ADAMTS20: variants seen among roughly 807,000 people sequenced by gnomAD.
The protein encoded by ADAMTS20 is A disintegrin and metalloproteinase with thrombospondin motifs 20.
Under a neutral mutation model 260.1 loss-of-function variants are expected in ADAMTS20, and 225 were observed. The observed-to-expected ratio is 0.87, with a 90% confidence interval of 0.78 to 0.97. ADAMTS20 has a LOEUF of 0.97. Among genes scored for constraint, ADAMTS20 ranks in the 50% least tolerant of loss-of-function variants. The probability of loss-of-function intolerance (pLI) is 0.00; values close to 1 mark genes in which losing one functional copy is unlikely to be tolerated. For missense variants in ADAMTS20, 2,400 were observed against 2,337.7 expected, an observed-to-expected ratio of 1.03 and a Z score of -0.55; for synonymous variants, 802 against 769.5, an observed-to-expected ratio of 1.04 and a Z score of -0.70.
intron 29 of ADAMTS20, among the ~76,000 whole-genome samples, chr12:43,385,919 G>A (rs758181682): frequency 3.3e-5 from 5 of 152,010 alleles, no homozygotes; most frequent in South Asian, 4.2e-4. Flanking sequence ...TCATTTCTTC[G>A]AGATTTTCTA....
intron 36 of ADAMTS20, among the ~76,000 whole-genome samples, chr12:43,373,589 C>A (rs2137206393): frequency 6.6e-6 from 1 of 151,464 alleles, no homozygotes; most frequent in Non-Finnish European, 1.5e-5. Context: ...TGCCCTGGGC[C>A]ACATGAGGGC....
At chr12:43,421,898 T>C (rs915087489) in intron 28 of ADAMTS20, among the ~76,000 whole-genome samples, 2 of 151,892 alleles carry the variant, frequency 1.3e-5, no homozygotes, top group Non-Finnish European at 2.9e-5. Context: ...AAATTAACAG[T>C]TTGTTATTTA....
intron 2 of ADAMTS20, among the ~76,000 whole-genome samples, chr12:43,544,519 C>A (rs1351342794): frequency 6.6e-6 from 1 of 151,962 alleles, no homozygotes; most frequent in African/African-American, 2.4e-5. Context: ...TGAGAGTACA[C>A]GTGCATAAAA....
intron 37 of ADAMTS20, among the ~76,000 whole-genome samples, chr12:43,360,718 T>C (rs1313839430): frequency 1.3e-5 from 2 of 151,788 alleles, no homozygotes; most frequent in Admixed American, 1.3e-4. Context: ...ATAGGAAAAA[T>C]CAACATACCA....
chr12:43,371,727 T>C (rs1940111935), intron 36 of ADAMTS20, among the ~76,000 whole-genome samples: 1 of 152,086 alleles, frequency 6.6e-6, no homozygotes, highest in Non-Finnish European at 1.5e-5. Flanking sequence ...GGCCACTGTG[T>C]CTGTAGTAGG....
rs756887923 is a variant in ADAMTS20 at position 43,432,349 on chromosome 12, G to A, written c.3051C>T (p.Cys1017=). 6.2e-7 allele frequency: 1 copy of A among 1,613,824 alleles called. No homozygotes were observed. Among genetic ancestry groups the A allele is most frequent in the African/African-American group, 1.3e-5 (1 of 75,000 alleles). ...CCCAACTGGGACAGGAAAATTCATTGCAATTCTCTCTCGTCACTCGGGACA... is the reference window on the plus strand; with the variant it reads ...CCCAACTGGGACAGGAAAATTCATTACAATTCTCTCTCGTCACTCGGGACA... The part of the protein sequence containing the change: ...QELSRVTREN[C]NEFSCPSWAA... Residue 1017 remains cysteine, a synonymous_variant, in exon 21 of 39, where the codon TGC becomes TGT. Transcript: ENST00000389420.
In ADAMTS20 at chr12:43,551,741, G is replaced by C; in HGVS notation, c.91+90C>G. ...TCCAGCAGGGCCAGCGTTCCCCAAC[G>C]GGCTGAGCCGCTCGTCCCCGCGACC... On this transcript the variant is annotated intron_variant, in intron 1 of 38. Transcript: ENST00000389420. This position sits in a 1 kb window ranked among gnomAD's most constrained non-coding sequence, Gnocchi z 4.6. 3.7e-6 allele frequency: 5 copies of C among 1,351,680 alleles called. No individual in the cohort carries two copies. The South Asian group carries it at 6.0e-5, about 16-fold the overall frequency. The allele number at this position is 1,351,680 out of a possible 1,614,324, so 83.7% of individuals were successfully genotyped here. A position where few individuals can be genotyped will look rare whatever the true frequency, so the allele number is the denominator to read the frequency against.
rs1463432436 is a variant in ADAMTS20, at chr12:43,482,043, T to TGCAGCTGATTTAGTGAGCAG, written c.1117+8332_1117+8351dup. Among the ~76,000 whole-genome samples the TGCAGCTGATTTAGTGAGCAG allele has an allele frequency of 8.4e-4, 128 of 152,290 alleles. 1 individual carries two copies. The highest frequency in any genetic ancestry group is 6.2e-4 in the South Asian group (3 of 4,816). On this transcript the variant is annotated intron_variant, in intron 7 of 38. Transcript: ENST00000389420. ...AGAAGGCGTTAACCCTACCCAGTGC[T>TGCAGCTGATTTAGTGAGCAG]GCAGCTGATTTAGTGAGCAGCGGGG...
intron 29 of ADAMTS20, among the ~76,000 whole-genome samples, chr12:43,394,488 T>C (rs1940659757): frequency 6.6e-6 from 1 of 152,164 alleles, no homozygotes; most frequent in African/African-American, 2.4e-5. Flanking sequence ...TGTGATCAAC[T>C]ATATCCTCAG....
chr12:43,361,147 T>C (rs553511986), intron 37 of ADAMTS20, among the ~76,000 whole-genome samples: 1 of 152,348 alleles, frequency 6.6e-6, no homozygotes, highest in African/African-American at 2.4e-5. Flanking sequence ...GTCCATACTC[T>C]TTTTTAGCAT....
chr12:43,501,832 G>C (rs1041282028), intron 4 of ADAMTS20, among the ~76,000 whole-genome samples: 1 of 152,098 alleles, frequency 6.6e-6, no homozygotes. Flanking sequence ...GTTTCAAAGA[G>C]CAAAAAGATC....
At chr12:43,428,566 A>AT (rs1314825782) in intron 25 of ADAMTS20, 35 bp from the exon 26 acceptor site, 1 of 1,514,994 alleles carries the variant, frequency 6.6e-7, no homozygotes, top group Non-Finnish European at 8.8e-7. Flanking sequence ...AATATACAAC[A>AT]TTAATTTATA....
intron 11 of ADAMTS20, among the ~76,000 whole-genome samples, chr12:43,459,038 G>C (rs191214408): frequency 2.6e-5 from 4 of 152,232 alleles, no homozygotes; most frequent in Admixed American, 6.5e-5. Context: ...CCAGACATTC[G>C]AGCCTGCAAT....
chr12:43,452,240 C>T (rs745452587), intron 14 of ADAMTS20, 34 bp downstream of exon 14: 1 of 1,559,890 alleles, frequency 6.4e-7, no homozygotes, highest in East Asian at 2.3e-5. Flanking sequence ...CTTAAAGTCA[C>T]TTTAAATCTA....
At chr12:43,476,155 AC>A (rs1049096316) in intron 7 of ADAMTS20, among the ~76,000 whole-genome samples, 2 of 68,802 alleles carry the variant, frequency 2.9e-5, no homozygotes, top group African/African-American at 5.7e-5. Flanking sequence ...CAAGAAAAAA[AC>A]AAACAACCCC....
intron 7 of ADAMTS20, among the ~76,000 whole-genome samples, chr12:43,488,820 A>G (rs2137425278): frequency 6.6e-6 from 1 of 152,280 alleles, no homozygotes; most frequent in South Asian, 2.1e-4. Flanking sequence ...AGACATTTAT[A>G]GCAATACTAT....
intron 7 of ADAMTS20, among the ~76,000 whole-genome samples, chr12:43,475,866 C>T (rs1217823078): frequency 1.5e-5 from 2 of 130,964 alleles, no homozygotes; most frequent in Non-Finnish European, 3.2e-5. Context: ...AAGATTTAAA[C>T]GTTAGACCTA....
At chr12:43,414,008 T>G (rs1941081671) in intron 28 of ADAMTS20, among the ~76,000 whole-genome samples, 1 of 152,198 alleles carries the variant, frequency 6.6e-6, no homozygotes, top group Non-Finnish European at 1.5e-5. Context: ...AATTGTATTT[T>G]TATCCTCCAT....
chr12:43,400,009 C>A (rs965439394), intron 28 of ADAMTS20, among the ~76,000 whole-genome samples: 1 of 151,736 alleles, frequency 6.6e-6, no homozygotes, highest in Non-Finnish European at 1.5e-5. Context: ...GATTTTTTTT[C>A]ATTTATAAAA....
Sources: gnomAD v4.1 joint callset for allele counts (sites outside exome capture counted in the v4.1 genomes callset) on GRCh38, gnomAD v4.1.1 for gene constraint, Gnocchi (gnomAD v3.1) non-coding constraint, MANE v1.5 for transcripts, NCBI Gene and HGNC (gene_info 2026-07-23, HGNC 2026-07-21) for gene names.